The following KANK2 variants were observed in gnomAD, a reference collection of about 807,000 sequenced individuals.
The protein encoded by KANK2 is KN motif and ankyrin repeat domains 2, also known as KN motif and ankyrin repeat domain-containing protein 2.
KANK2 carries 41 observed loss-of-function variants against 74.6 expected under a neutral mutation model. The ratio of observed to expected loss-of-function variants is 0.55; its 90% confidence interval spans 0.43 to 0.71. KANK2 has a LOEUF of 0.71. KANK2 is among the 30% of genes least tolerant of loss of function. The pLI is 0.00. For missense variants in KANK2, 1,148 were observed against 1,196.4 expected, an observed-to-expected ratio of 0.96 and a Z score of 0.60; for synonymous variants, 537 against 519.0, an observed-to-expected ratio of 1.03 and a Z score of -0.47.
intron 4 of KANK2, among the ~76,000 whole-genome samples, chr19:11,190,507 A>G (rs567572638): frequency 1.4e-4 from 21 of 152,278 alleles, no homozygotes; most frequent in African/African-American, 4.8e-4. Flanking sequence ...TTCCCCAGGT[A>G]TGAACAGGTT....
At chr19:11,189,896 C>T (rs2078791785) in intron 4 of KANK2, among the ~76,000 whole-genome samples, 1 of 152,122 alleles carries the variant, frequency 6.6e-6, no homozygotes, top group Non-Finnish European at 1.5e-5. Flanking sequence ...GGCAGGGGGC[C>T]AGAACCTCAG....
rs2078407510 is a variant in KANK2 at position 11,178,352 on chromosome 19, T to C, written c.1513A>G (p.Asn505Asp). Residue 505 changes from asparagine to aspartate, a missense_variant, in exon 6 of 13, where the codon AAC becomes GAC. Physicochemically the swap from Asn to Asp is conservative, Grantham distance 23 (BLOSUM62 1). Transcript: ENST00000586659. ...GGGGTCTTCTCCTCTCACCCGCCGT[T>C]GACCCCCACGAACTGGAGGCTCCTC... ...HRRSLQFVGV[N>D]GGYESSSEDS... The C allele has an allele frequency of 6.6e-7, 1 of 1,521,016 alleles. No individual in the cohort carries two copies. The highest frequency in any genetic ancestry group is 1.4e-5 in the African/African-American group (1 of 69,406). The allele number at this position is 1,521,016 out of a possible 1,614,324, so 94.2% of individuals were successfully genotyped here. A position where few individuals can be genotyped will look rare whatever the true frequency, so the allele number is the denominator to read the frequency against.
intron 1 of KANK2, 137 bp from the exon 2 acceptor site, chr19:11,195,957 T>C (rs1050464142): frequency 2.6e-5 from 3 of 116,662 alleles, no homozygotes; most frequent in African/African-American, 6.7e-5. Flanking sequence ...CAAGCGGGAT[T>C]GGAGCAGGAT....
intron 12 of KANK2, 173 bp downstream of exon 12, chr19:11,169,704 G>A (rs962369877): frequency 1.6e-6 from 1 of 613,770 alleles, no homozygotes; most frequent in South Asian, 1.9e-5. Context: ...AGGAGGCTGA[G>A]GCAGCAGAAT....
rs2078352904 is a variant in KANK2, at chr19:11,176,788, G to A, written c.1550C>T (p.Thr517Ile). 6.4e-7 allele frequency: 1 copy of A among 1,560,488 alleles called. No homozygotes were observed. The highest frequency in any genetic ancestry group is 1.9e-5 in the Admixed American group (1 of 52,702). ...GTCGTTGTCTGAGATGTTCTCTGCT[G>A]TGCTGGAGTCCTCGGATGACGACTC... ...GYESSSEDSSTAENISDNDST... is the reference protein window; with the variant it reads ...GYESSSEDSSIAENISDNDST... The change falls in exon 7 of 13, where the codon ACA (threonine) becomes ATA (isoleucine). Residue 517 changes from threonine (T) to isoleucine (I), a missense_variant. Coordinates refer to ENST00000586659, the MANE Select transcript of KANK2 (RefSeq NM_001136191.3).
chr19:11,186,217 G>A (rs567453604), intron 4 of KANK2, among the ~76,000 whole-genome samples: 22 of 151,998 alleles, frequency 1.4e-4, no homozygotes, highest in African/African-American at 5.1e-4. Context: ...GTGAAACCCC[G>A]TCTCTACTAA....
rs758993599 is a variant in KANK2, at chr19:11,173,087, T to C, written c.2105A>G (p.Tyr702Cys). ...CAGGGCGGTGAGCATAATAGGGCTGTAGCCAGCACGGTTCTGTTTGTCCAC... is the reference window on the plus strand; with the variant it reads ...CAGGGCGGTGAGCATAATAGGGCTGCAGCCAGCACGGTTCTGTTTGTCCAC... ...CKVDKQNRAG[Y>C]SPIMLTALAT... Residue 702 changes from tyrosine to cysteine, a missense_variant, in exon 10 of 13, where the codon TAC becomes TGC. By Grantham distance (194) the Tyr-to-Cys change is radical. Transcript: ENST00000586659. 6.2e-7 allele frequency: 1 copy of C among 1,614,072 alleles called. No homozygotes were observed. Among genetic ancestry groups the C allele is most frequent in the Non-Finnish European group, 8.5e-7 (1 of 1,179,974 alleles).
chr19:11,193,993 A>C lies in KANK2; in HGVS notation c.87T>G (p.Asp29Glu), dbSNP rs371931135. The change falls in exon 4 of 13, where the codon GAT (aspartate) becomes GAG (glutamate). Residue 29 changes from aspartate (D) to glutamate (E), a missense_variant. By Grantham distance (45) the Asp-to-Glu change is conservative (BLOSUM62 2). Coordinates refer to ENST00000586659, the MANE Select transcript of KANK2 (RefSeq NM_001136191.3). The surrounding 1 kb of genome is among the most constrained non-coding windows in gnomAD (Gnocchi z 9.6). ...AGGGGGTCTCCACGGAGTAGGGTGG[A>C]TCGGGGTCCTTGGCAGGGAAGGCAG... ...SPPAFPAKDP[D>E]PPYSVETPYG... 5 of 1,613,160 alleles carry C rather than the reference A, an allele frequency of 3.1e-6. No homozygotes were observed. In the African/African-American group the frequency reaches 6.7e-5, roughly 22 times the overall value.
At chr19:11,172,917 C>G (rs889525922) in intron 10 of KANK2, 64 bp downstream of exon 10, 23 of 1,566,210 alleles carry the variant, frequency 1.5e-5, no homozygotes, top group Non-Finnish European at 1.8e-5. Context: ...GGGCCTGTCA[C>G]TCAGCTGGGA....
intron 4 of KANK2, among the ~76,000 whole-genome samples, chr19:11,182,640 G>A (rs1015172301): frequency 6.6e-6 from 1 of 151,442 alleles, no homozygotes. Context: ...TTAGGAGATC[G>A]AGACCATCCT....
At chr19:11,185,875 C>CA (rs1371713893) in intron 4 of KANK2, among the ~76,000 whole-genome samples, 4 of 152,064 alleles carry the variant, frequency 2.6e-5, no homozygotes, top group African/African-American at 9.7e-5. Context: ...CCCATCTCTA[C>CA]AAAAAATTAC....
intron 4 of KANK2, 112 bp downstream of exon 4, chr19:11,192,719 G>A (rs767661924): frequency 3.4e-5 from 46 of 1,343,596 alleles, no homozygotes; most frequent in South Asian, 1.6e-4. Flanking sequence ...ACAGGCATGC[G>A]CCACCGCACC....
At position 11,193,479 on chromosome 19, in the gene KANK2, GC is replaced by G; in HGVS notation, c.600del (p.Gln201SerfsTer6). ...EQMAGALRKL[R>X]QLEEQVKLIP... ...ATCAGCTTCACCTGCTCCTCCAGCT[GC>G]CGCAGCTTCCGCAGGGCACCCGCCA... On this transcript the variant is annotated frameshift_variant, in exon 4 of 13. Coordinates refer to ENST00000586659, the MANE Select transcript of KANK2 (RefSeq NM_001136191.3). LOFTEE classifies it high-confidence loss of function. This position sits in a 1 kb window ranked among gnomAD's most constrained non-coding sequence, Gnocchi z 9.6. 1.2e-6 allele frequency: 2 copies of G among 1,611,392 alleles called. No individual in the cohort carries two copies.
chr19:11,166,547 C>T lies in KANK2; in HGVS notation c.*11G>A. The stretch of plus-strand genomic sequence containing the variant: ...TGCTCCCGGTCTGGCTGGTCCCCGC[C>T]TCCCTCACGGCTACTCTTCTGCCGA... On this transcript the variant is annotated 3_prime_UTR_variant, in exon 13 of 13. Coordinates refer to ENST00000586659, the MANE Select transcript of KANK2 (RefSeq NM_001136191.3). The T allele has an allele frequency of 6.2e-7, 1 of 1,613,738 alleles. No individual in the cohort carries two copies.
At chr19:11,182,999 CAAG>C (rs1388464683) in intron 4 of KANK2, among the ~76,000 whole-genome samples, 1 of 152,074 alleles carries the variant, frequency 6.6e-6, no homozygotes, top group African/African-American at 2.4e-5. Context: ...GCTAGCATAA[CAAG>C]AAGTAATAAT....
rs1449183285 is a variant in KANK2 at position 11,181,115 on chromosome 19, A to AG, written c.1250-2396_1250-2395insC. On this transcript the variant is annotated intron_variant, in intron 4 of 12. Coordinates refer to ENST00000586659, the MANE Select transcript of KANK2 (RefSeq NM_001136191.3). ...AAAAAAAAAAAAAAAAAAAAAAAAA[A>AG]ATTCTGGGAGAGCCAAAAAATGAGG... Among the ~76,000 whole-genome samples, 6 of 142,776 alleles carry AG rather than the reference A, an allele frequency of 4.2e-5. 1 individual carries two copies. In the East Asian group the frequency reaches 1.2e-3, roughly 29 times the overall value. The allele number at this position is 142,776 out of a possible 152,430, so 93.7% of individuals were successfully genotyped here.
rs2077986874 is a variant in KANK2, at chr19:11,164,772, T to G, written c.*1786A>C. 1 of 151,934 alleles carries G rather than the reference T, an allele frequency of 6.6e-6. No individual in the cohort carries two copies. Among genetic ancestry groups the G allele is most frequent in the South Asian group, 2.1e-4 (1 of 4,808 alleles). 9.4% of individuals were successfully genotyped at this position (151,934 alleles called of 1,614,324 possible). ...CATCCATCCATCCTGCTTGTCTCCTTTGACCAGCCAAGCCCTATTTTGTTT... is the reference window on the plus strand; with the variant it reads ...CATCCATCCATCCTGCTTGTCTCCTGTGACCAGCCAAGCCCTATTTTGTTT... On this transcript the variant is annotated 3_prime_UTR_variant, in exon 13 of 13. Transcript: ENST00000586659.
intron 4 of KANK2, among the ~76,000 whole-genome samples, chr19:11,187,853 C>T (rs1178540691): frequency 1.3e-5 from 2 of 151,998 alleles, no homozygotes; most frequent in East Asian, 1.9e-4. Context: ...TTTAGGAGGC[C>T]GACGTGGAAG....
intron 12 of KANK2, among the ~76,000 whole-genome samples, chr19:11,167,429 T>TCATA (rs2078053179): frequency 6.6e-6 from 1 of 151,892 alleles, no homozygotes; most frequent in Non-Finnish European, 1.5e-5. Flanking sequence ...AGTGGTCCAA[T>TCATA]CATAGCTCAC....
Sources: gnomAD v4.1 joint callset for allele counts (sites outside exome capture counted in the v4.1 genomes callset) on GRCh38, gnomAD v4.1.1 for gene constraint, Gnocchi (gnomAD v3.1) non-coding constraint, MANE v1.5 for transcripts, NCBI Gene and HGNC (gene_info 2026-07-23, HGNC 2026-07-21) for gene names.